OR2L2: variants seen among roughly 807,000 people sequenced by gnomAD.
OR2L2 encodes olfactory receptor 2L2.
For synonymous variants in OR2L2, 156 were observed against 135.4 expected, an observed-to-expected ratio of 1.15 and a Z score of -1.06; for missense variants, 378 against 375.2, an observed-to-expected ratio of 1.01 and a Z score of -0.06.
At chr1:248,030,446 T>C (rs138496811) in intron 1 of OR2L2, among the ~76,000 whole-genome samples, 124 of 152,284 alleles carry the variant, frequency 8.1e-4, no homozygotes, top group African/African-American at 2.9e-3. Context: ...TAAATGTGTT[T>C]TCTGGAGGGG....
intron 1 of OR2L2, among the ~76,000 whole-genome samples, chr1:248,034,620 C>G (rs1662705447): frequency 6.6e-6 from 1 of 152,062 alleles, no homozygotes; most frequent in African/African-American, 2.4e-5. Context: ...GAATGTATTT[C>G]CATTTATCTG....
intron 1 of OR2L2, among the ~76,000 whole-genome samples, chr1:248,035,052 T>C (rs1662719619): frequency 1.4e-5 from 2 of 141,814 alleles, no homozygotes; most frequent in African/African-American, 5.6e-5. Flanking sequence ...ATCTTTCCCT[T>C]TTTTTTTTTT....
chr1:248,034,656 C>G (rs1474412893), intron 1 of OR2L2, among the ~76,000 whole-genome samples: 3 of 152,100 alleles, frequency 2.0e-5, no homozygotes, highest in Admixed American at 2.0e-4. Context: ...TTCTAATCAG[C>G]ATTTTGTCAT....
intron 1 of OR2L2, among the ~76,000 whole-genome samples, chr1:248,032,586 C>A (rs1662648472): frequency 6.6e-6 from 1 of 152,182 alleles, no homozygotes; most frequent in Admixed American, 6.5e-5. Context: ...CTGGGTACTT[C>A]CTGTACATAA....
Position 248,038,276 on chromosome 1 carries a change from T to C in OR2L2, c.9T>C (p.Asn3=). The change falls in exon 3 of 3, where the codon AAT becomes AAC. Residue 3 remains asparagine, a synonymous_variant. Coordinates refer to ENST00000641771, the MANE Select transcript of OR2L2 (RefSeq NM_001385855.1). ME[N]YNQTSTDFIL... ...GATTGTAGGAATTCCCCATGGAAAA[T>C]TACAATCAAACATCAACTGATTTCA... 1.2e-6 allele frequency: 2 copies of C among 1,605,310 alleles called. No individual in the cohort carries two copies. Among genetic ancestry groups the C allele is most frequent in the East Asian group, 2.2e-5 (1 of 44,836 alleles).
intron 2 of OR2L2, among the ~76,000 whole-genome samples, chr1:248,035,842 A>G (rs1662744646): frequency 6.6e-6 from 1 of 152,064 alleles, no homozygotes; most frequent in African/African-American, 2.4e-5. Context: ...ATTCCACTTT[A>G]TATCTGCAGT....
chr1:248,034,645 G>A (rs1662706573), intron 1 of OR2L2, among the ~76,000 whole-genome samples: 1 of 152,038 alleles, frequency 6.6e-6, no homozygotes, highest in Admixed American at 6.5e-5. Flanking sequence ...TTCTTTGATT[G>A]TTCTAATCAG....
rs1662963940 is a variant in OR2L2, at chr1:248,042,054, A to G, written c.*2848A>G. Reference sequence around the variant, plus strand: ...CATGCTGCTATAAAGACACATGCACACCTATGTTTATTGCGGCACTATTCA... The same window carrying G: ...CATGCTGCTATAAAGACACATGCACGCCTATGTTTATTGCGGCACTATTCA... On this transcript the variant is annotated 3_prime_UTR_variant, in exon 3 of 3. Transcript: ENST00000641771. 6.6e-6 allele frequency: 1 copy of G among 152,116 alleles called. No homozygotes were observed. Among genetic ancestry groups the G allele is most frequent in the Admixed American group, 6.5e-5 (1 of 15,276 alleles). The allele number at this position is 152,116 out of a possible 1,614,324, so 9.4% of individuals were successfully genotyped here.
chr1:248,033,530 G>A (rs1662675014), intron 1 of OR2L2, among the ~76,000 whole-genome samples: 1 of 151,668 alleles, frequency 6.6e-6, no homozygotes, highest in Non-Finnish European at 1.5e-5. Context: ...TCTGCCTCCT[G>A]GGCTCAAGCA....
intron 1 of OR2L2, among the ~76,000 whole-genome samples, chr1:248,033,423 TTTC>T (rs1572686162): frequency 6.6e-6 from 1 of 152,000 alleles, no homozygotes; most frequent in East Asian, 1.9e-4. Flanking sequence ...CTGTTTTCTA[TTTC>T]TTCTTCTTCT....
At chr1:248,030,752 A>T (rs11204582) in intron 1 of OR2L2, among the ~76,000 whole-genome samples, 77,044 of 151,928 alleles carry the variant, frequency 0.51, 24,037 homozygotes, top group Non-Finnish European at 0.67. Context: ...GTCGGTGGTG[A>T]TGTCAATGTA....
Position 248,039,320 on chromosome 1 carries a change from A to C in OR2L2, c.*114A>C, listed in dbSNP as rs1662875879. 1 of 957,346 alleles carries C rather than the reference A, an allele frequency of 1.0e-6. No individual in the cohort carries two copies. The highest frequency in any genetic ancestry group is 1.5e-6 in the Non-Finnish European group (1 of 647,866). The allele number at this position is 957,346 out of a possible 1,614,324, so 59.3% of individuals were successfully genotyped here. A position where few individuals can be genotyped will look rare whatever the true frequency, so the allele number is the denominator to read the frequency against. ...TGTGTCAAACAGAAGTTAATCTAGA[A>C]GAAATTTGTCTTTTAATTTAGTCTT... On this transcript the variant is annotated 3_prime_UTR_variant, in exon 3 of 3. Coordinates refer to ENST00000641771, the MANE Select transcript of OR2L2 (RefSeq NM_001385855.1).
chr1:248,037,300 G>A (rs796162618), intron 2 of OR2L2, among the ~76,000 whole-genome samples: 2 of 152,062 alleles, frequency 1.3e-5, no homozygotes, highest in Admixed American at 6.6e-5. Flanking sequence ...TGAATCATAG[G>A]CTGCTGCAGT....
Position 248,038,951 on chromosome 1 carries a change from C to T in OR2L2, c.684C>T (p.His228=). The T allele has an allele frequency of 6.2e-7, 1 of 1,614,138 alleles. No individual in the cohort carries two copies. The highest frequency in any genetic ancestry group is 8.5e-7 in the Non-Finnish European group (1 of 1,180,022). Residue 228 remains histidine, a synonymous_variant, in exon 3 of 3, where the codon CAC becomes CAT. Coordinates refer to ENST00000641771, the MANE Select transcript of OR2L2 (RefSeq NM_001385855.1). ...TTCTCCTTGCTGTCTACCGCATGCACTCTGCAGAAGGGAGGAAGAAGGCCT... is the reference window on the plus strand; with the variant it reads ...TTCTCCTTGCTGTCTACCGCATGCATTCTGCAGAAGGGAGGAAGAAGGCCT... ...GRVLLAVYRM[H]SAEGRKKAYS...
Position 248,038,622 on chromosome 1 carries a change from T to C in OR2L2, c.355T>C (p.Tyr119His), listed in dbSNP as rs1572690197. The change falls in exon 3 of 3, where the codon TAT becomes CAT. Residue 119 changes from tyrosine to histidine, a missense_variant. By Grantham distance (83) the Tyr-to-His change is moderately conservative. Transcript: ENST00000641771. ...AEGLLLTSMA[Y>H]DRYVAICFPL... ...AGGGCTGCTCCTGACATCAATGGCC[T>C]ATGATCGTTATGTGGCCATTTGCTT... The C allele has an allele frequency of 3.1e-6, 5 of 1,614,072 alleles. No homozygotes were observed. In the East Asian group the frequency reaches 1.1e-4, roughly 36 times the overall value.
chr1:248,032,770 G>A (rs149789277), intron 1 of OR2L2, among the ~76,000 whole-genome samples: 14 of 152,172 alleles, frequency 9.2e-5, no homozygotes, highest in African/African-American at 3.4e-4. Context: ...CACTTAAGTT[G>A]TCTCTGCCTT....
intron 1 of OR2L2, among the ~76,000 whole-genome samples, chr1:248,030,453 G>C (rs896502306): frequency 4.6e-5 from 7 of 152,130 alleles, no homozygotes; most frequent in Non-Finnish European, 5.9e-5. Context: ...GTTTTCTGGA[G>C]GGGAAGGGAA....
chr1:248,032,948 A>G (rs1188758889), intron 1 of OR2L2, among the ~76,000 whole-genome samples: 3 of 151,484 alleles, frequency 2.0e-5, no homozygotes, highest in African/African-American at 7.3e-5. Context: ...CAATAATTTG[A>G]CAACTTTTTG....
Position 248,039,218 on chromosome 1 carries a change from G to C in OR2L2, c.*12G>C. 2 of 1,593,356 alleles carry C rather than the reference G, an allele frequency of 1.3e-6. No individual in the cohort carries two copies. Among genetic ancestry groups the C allele is most frequent in the African/African-American group, 1.3e-5 (1 of 74,636 alleles). ...CAGTGAAAATGTAGACATACGTTCT[G>C]TGTTAGAGTCAAAGCGCTAGGTTCA... On this transcript the variant is annotated 3_prime_UTR_variant, in exon 3 of 3. Coordinates refer to ENST00000641771, the MANE Select transcript of OR2L2 (RefSeq NM_001385855.1).
Sources: gnomAD v4.1 joint callset for allele counts (sites outside exome capture counted in the v4.1 genomes callset) on GRCh38, gnomAD v4.1.1 for gene constraint, MANE v1.5 for transcripts, NCBI Gene and HGNC (gene_info 2026-07-23, HGNC 2026-07-21) for gene names.